SLC15A5: variants seen among roughly 807,000 people sequenced by gnomAD.
The protein encoded by SLC15A5 is solute carrier family 15 member 5.
SLC15A5 carries 58 observed loss-of-function variants against 56.1 expected under a neutral mutation model. The ratio of observed to expected loss-of-function variants is 1.03; its 90% CI spans 0.84 to 1.29. SLC15A5 has a LOEUF of 1.29. Among genes scored for constraint, SLC15A5 ranks in the 50% most tolerant of loss-of-function variants. The probability of loss-of-function intolerance (pLI) is 0.00; values close to 1 mark genes in which losing one functional copy is unlikely to be tolerated. For synonymous variants in SLC15A5, 264 were observed against 250.5 expected, an observed-to-expected ratio of 1.05 and a Z score of -0.51; for missense variants, 681 against 672.1, an observed-to-expected ratio of 1.01 and a Z score of -0.15.
chr12:16,241,001 G>T (rs886907243), intron 4 of SLC15A5, among the ~76,000 whole-genome samples: 2 of 152,048 alleles, frequency 1.3e-5, no homozygotes, highest in Admixed American at 1.3e-4. Flanking sequence ...TTTTAGTAGA[G>T]ATGAGGTTTC....
At chr12:16,217,150 CT>C in intron 6 of SLC15A5, 126 bp from the exon 7 acceptor site, 1 of 987,486 alleles carries the variant, frequency 1.0e-6, no homozygotes, top group South Asian at 1.8e-5. Context: ...TTGGGTTGGA[CT>C]TTGTTAAGGT....
chr12:16,226,016 G>A (rs1317479799), intron 5 of SLC15A5, among the ~76,000 whole-genome samples: 1 of 152,094 alleles, frequency 6.6e-6, no homozygotes, highest in African/African-American at 2.4e-5. Context: ...AGTTAATAAC[G>A]CTTACTTTAT....
chr12:16,205,606 C>CATATATAT (rs1864011124), intron 7 of SLC15A5, among the ~76,000 whole-genome samples: 2 of 109,500 alleles, frequency 1.8e-5, no homozygotes, highest in African/African-American at 3.2e-5. Flanking sequence ...TACACACACA[C>CATATATAT]ACACATATAT....
At chr12:16,257,525 C>A (rs1365231052) in intron 3 of SLC15A5, among the ~76,000 whole-genome samples, 176 bp downstream of exon 3, 1 of 152,088 alleles carries the variant, frequency 6.6e-6, no homozygotes, top group Non-Finnish European at 1.5e-5. Flanking sequence ...TGCAAAGAAG[C>A]AGTCTTAATT....
At chr12:16,270,776 A>G (rs1864745229) in intron 2 of SLC15A5, among the ~76,000 whole-genome samples, 1 of 152,128 alleles carries the variant, frequency 6.6e-6, no homozygotes. Flanking sequence ...CCATCTTGTC[A>G]CCAGCCCCCG....
chr12:16,199,017 T>C (rs1863923075), intron 7 of SLC15A5, among the ~76,000 whole-genome samples: 1 of 151,986 alleles, frequency 6.6e-6, no homozygotes, highest in South Asian at 2.1e-4. Context: ...CTAGTTCCCC[T>C]ATTAGCCAGG....
chr12:16,272,702 T>G lies in SLC15A5; in HGVS notation c.443A>C (p.Lys148Thr), dbSNP rs1192581641. The change falls in exon 2 of 9, where the codon AAA (lysine) becomes ACA (threonine). Residue 148 changes from lysine to threonine, a missense_variant. Physicochemically the swap from Lys to Thr is moderately conservative, Grantham distance 78. Coordinates refer to ENST00000344941, the MANE Select transcript of SLC15A5 (RefSeq NM_001170798.1). ...ATAAAACAGCCTGTGCTGCTCTGTTTTTGGTATGTTGTTAACTGCATGGTA... is the reference window on the plus strand; with the variant it reads ...ATAAAACAGCCTGTGCTGCTCTGTTGTTGGTATGTTGTTAACTGCATGGTA... ...GTYHAVNNIP[K>T]TEQHRLFYVA... 1 of 1,537,234 alleles carries G rather than the reference T, an allele frequency of 6.5e-7. No homozygotes were observed. The highest frequency in any genetic ancestry group is 1.4e-5 in the African/African-American group (1 of 73,120).
chr12:16,216,942 G>A lies in SLC15A5; in HGVS notation c.1434C>T (p.Gly478=). The change falls in exon 7 of 9, where the codon GGC becomes GGT. Residue 478 remains glycine (G), a synonymous_variant. Coordinates refer to ENST00000344941, the MANE Select transcript of SLC15A5 (RefSeq NM_001170798.1). ...MNFLTLFNGF[G]CFTGALLVKL... ...TCACCAGCAGTGCCCCTGTGAAACA[G>A]CCAAATCCATTGAACAGTGTCAGAA... 1 of 1,536,862 alleles carries A rather than the reference G, an allele frequency of 6.5e-7. No individual in the cohort carries two copies.
At chr12:16,254,922 A>G (rs1157307114) in intron 3 of SLC15A5, among the ~76,000 whole-genome samples, 1 of 152,156 alleles carries the variant, frequency 6.6e-6, no homozygotes, top group African/African-American at 2.4e-5. Flanking sequence ...TTAGTGTTCT[A>G]TACCACTGTA....
At position 16,188,937 on chromosome 12, in the gene SLC15A5, T is replaced by A. The variant is rs1437881087; in HGVS notation, c.*731A>T. 6.6e-6 allele frequency: 1 copy of A among 152,226 alleles called. No homozygotes were observed. Among genetic ancestry groups the A allele is most frequent in the African/African-American group, 2.4e-5 (1 of 41,478 alleles). 9.4% of individuals were successfully genotyped at this position (152,226 alleles called of 1,614,324 possible). On this transcript the variant is annotated 3_prime_UTR_variant, in exon 9 of 9. Coordinates refer to ENST00000344941, the MANE Select transcript of SLC15A5 (RefSeq NM_001170798.1). Reference sequence around the variant, plus strand: ...AGACCGAAAGATGTTATTCATATAATTCCTTTAAGCATCTCTATTTGGTTT... The same window carrying A: ...AGACCGAAAGATGTTATTCATATAAATCCTTTAAGCATCTCTATTTGGTTT...
intron 3 of SLC15A5, among the ~76,000 whole-genome samples, chr12:16,248,488 TA>T (rs1864485370): frequency 6.6e-6 from 1 of 151,878 alleles, no homozygotes; most frequent in Non-Finnish European, 1.5e-5. Context: ...AGTGGTGAAG[TA>T]ATAAACCTAA....
At chr12:16,257,279 TG>T in intron 3 of SLC15A5, among the ~76,000 whole-genome samples, 1 of 152,308 alleles carries the variant, frequency 6.6e-6, no homozygotes, top group Non-Finnish European at 1.5e-5. Flanking sequence ...ATTTAGTTTT[TG>T]CTTGAAAATT....
intron 7 of SLC15A5, among the ~76,000 whole-genome samples, chr12:16,215,228 AAC>A (rs1482378135): frequency 0.15 from 6,769 of 46,012 alleles, 1,659 homozygotes; most frequent in African/African-American, 0.3. Context: ...AAAAAAAAAA[AAC>A]CAAAGTGAGG....
intron 7 of SLC15A5, among the ~76,000 whole-genome samples, chr12:16,201,597 G>A (rs1863957098): frequency 6.6e-6 from 1 of 152,124 alleles, no homozygotes; most frequent in Non-Finnish European, 1.5e-5. Flanking sequence ...TTTCCCCCAT[G>A]CTGTTCTCAT....
intron 5 of SLC15A5, among the ~76,000 whole-genome samples, chr12:16,227,882 T>C (rs1864258042): frequency 6.6e-6 from 1 of 152,138 alleles, no homozygotes; most frequent in Non-Finnish European, 1.5e-5. Context: ...AATAATCTGG[T>C]AACGTATAAT....
intron 5 of SLC15A5, among the ~76,000 whole-genome samples, chr12:16,228,636 G>A (rs1864266610): frequency 1.3e-5 from 2 of 152,100 alleles, no homozygotes; most frequent in African/African-American, 4.8e-5. Flanking sequence ...GAGACAGCAA[G>A]GCCAACCTCT....
chr12:16,272,544 T>C lies in SLC15A5; in HGVS notation c.584+17A>G. The C allele has an allele frequency of 2.6e-6, 4 of 1,534,926 alleles. No homozygotes were observed. The highest frequency in any genetic ancestry group is 3.5e-6 in the Non-Finnish European group (4 of 1,144,992). ...ATGGTCATAAGCCTCTTTTCTCTCC[T>C]AGCCAGTGCTACTTACCAGTTAAAA... On this transcript the variant is annotated intron_variant, in intron 2 of 8. Transcript: ENST00000344941.
rs897618288 is a variant in SLC15A5, at chr12:16,243,344, C to T, written c.975+1236G>A. ...TCCAGCCTCAGCCTCCCAAGCAGCT[C>T]GGATTACAGGCATGGCCACCACACC... On this transcript the variant is annotated intron_variant, in intron 4 of 8. Transcript: ENST00000344941. The surrounding 1 kb of genome is among the most constrained non-coding windows in gnomAD (Gnocchi z 4.4). 1.3e-5 allele frequency among the ~76,000 whole-genome samples: 2 copies of T among 151,572 alleles called. No homozygotes were observed. Among genetic ancestry groups the T allele is most frequent in the Non-Finnish European group, 1.5e-5 (1 of 67,862 alleles).
At chr12:16,241,017 G>A (rs749891143) in intron 4 of SLC15A5, among the ~76,000 whole-genome samples, 7 of 152,056 alleles carry the variant, frequency 4.6e-5, no homozygotes, top group Non-Finnish European at 8.8e-5. Flanking sequence ...GTTTCACCGT[G>A]TTAGTCAGGA....
Sources: allele counts gnomAD v4.1 joint callset (sites outside exome capture counted in the v4.1 genomes callset), GRCh38; gene constraint gnomAD v4.1.1; non-coding constraint Gnocchi (gnomAD v3.1); transcripts MANE v1.5; gene names NCBI Gene and HGNC (gene_info 2026-07-23, HGNC 2026-07-21).